CNOT1: variants seen among roughly 807,000 people sequenced by gnomAD.
CNOT1 encodes the protein CCR4-associated factor 1.
Under a neutral mutation model 273.8 loss-of-function variants are expected in CNOT1, and 15 were observed. That is an observed-to-expected ratio of 0.05 (90% CI 0.04 to 0.08). CNOT1 has a LOEUF of 0.08. CNOT1 is among the 10% of genes least tolerant of loss of function. The pLI, the probability that CNOT1 is intolerant of heterozygous loss-of-function variation, is 1.00. For synonymous variants in CNOT1, 1,022 were observed against 1,005.5 expected, an observed-to-expected ratio of 1.02 and a Z score of -0.31; for missense variants, 1,644 against 2,912.2, an observed-to-expected ratio of 0.56 and a Z score of 10.02.
At chr16:58,542,595 G>A (rs28610927) in intron 31 of CNOT1, 27 bp from the exon 32 acceptor site, 2 of 506,752 alleles carry the variant, frequency 3.9e-6, no homozygotes, top group South Asian at 3.0e-5. Flanking sequence ...GTGGGGGGGT[G>A]GGGGGAATAG....
chr16:58,528,728 A>C (rs1597399395), intron 43 of CNOT1, 80 bp from the exon 44 acceptor site: 2 of 906,726 alleles, frequency 2.2e-6, no homozygotes, highest in African/African-American at 1.7e-5. Flanking sequence ...TAAGCCCCCC[A>C]CCCCCCTCAA....
intron 46 of CNOT1, 195 bp from the exon 47 acceptor site, chr16:58,523,697 A>G: frequency 2.2e-6 from 1 of 457,536 alleles, no homozygotes; most frequent in East Asian, 3.2e-5. Flanking sequence ...TAGAAATTAG[A>G]TTTTAAAAAT....
chr16:58,568,698 GA>G (rs1021926550), intron 16 of CNOT1, among the ~76,000 whole-genome samples: 23 of 144,874 alleles, frequency 1.6e-4, no homozygotes, highest in South Asian at 2.2e-4. Flanking sequence ...AAAAAAGAGA[GA>G]AAAAAAAAAA....
At chr16:58,531,249 A>G (rs571108963) in intron 42 of CNOT1, among the ~76,000 whole-genome samples, 2 of 152,226 alleles carry the variant, frequency 1.3e-5, no homozygotes, top group African/African-American at 4.8e-5. Context: ...TTTAAGAGCT[A>G]TTTCACCTTC....
intron 16 of CNOT1, among the ~76,000 whole-genome samples, chr16:58,567,344 C>T (rs1197696082): frequency 2.0e-5 from 3 of 151,788 alleles, no homozygotes; most frequent in East Asian, 1.9e-4. Context: ...TAATGCTGGC[C>T]GGGCGTGGTG....
chr16:58,576,018 T>A (rs936873937), intron 14 of CNOT1, among the ~76,000 whole-genome samples: 3 of 152,198 alleles, frequency 2.0e-5, no homozygotes, highest in Non-Finnish European at 4.4e-5. Context: ...CTATCCTTTT[T>A]AAGAAACCTC....
Position 58,582,911 on chromosome 16 carries a change from A to AGT in CNOT1, c.934-10_934-9dup. ...GCCCGGAGCAGAAATACTCTGTAGA[A>AGT]GTAAAACTTGAATTAAACAAACCCA... On this transcript the variant is annotated splice_polypyrimidine_tract_variant and intron_variant, in intron 9 of 48. Transcript: ENST00000317147. 6.2e-7 allele frequency: 1 copy of AGT among 1,613,342 alleles called. No homozygotes were observed. Among genetic ancestry groups the AGT allele is most frequent in the Non-Finnish European group, 8.5e-7 (1 of 1,179,332 alleles).
intron 36 of CNOT1, 36 bp downstream of exon 36, chr16:58,538,736 T>TC (rs1486162636): frequency 1.9e-6 from 3 of 1,607,612 alleles, no homozygotes; most frequent in Non-Finnish European, 2.5e-6. Context: ...GCAGTCGCAG[T>TC]CCAATACTCA....
rs1210375302 is a variant in CNOT1 at position 58,549,766 on chromosome 16, G to C, written c.3475C>G (p.Pro1159Ala). ...YSNFLDTLKNPEFNKMVLNET... is the reference protein window; with the variant it reads ...YSNFLDTLKNAEFNKMVLNET... ...TTCAGAACCATCTTGTTAAATTCAG[G>C]ATTCTTCAGCGTGTCAAGGAAGTTT... The change falls in exon 25 of 49, where the codon CCT (proline) becomes GCT (alanine). Residue 1159 changes from proline to alanine, a missense_variant. Physicochemically the swap from Pro to Ala is conservative, Grantham distance 27. Coordinates refer to ENST00000317147, the MANE Select transcript of CNOT1 (RefSeq NM_016284.5). 1.2e-6 allele frequency: 2 copies of C among 1,613,358 alleles called. 1 individual carries two copies. The highest frequency in any genetic ancestry group is 1.7e-6 in the Non-Finnish European group (2 of 1,179,902).
intron 10 of CNOT1, among the ~76,000 whole-genome samples, chr16:58,582,501 CTTTA>C (rs2041691419): frequency 6.6e-6 from 1 of 152,102 alleles, no homozygotes; most frequent in African/African-American, 2.4e-5. Context: ...AGTAGAGGTA[CTTTA>C]TTTTTTATTC....
chr16:58,529,575 C>T (rs1327486421), intron 43 of CNOT1, among the ~76,000 whole-genome samples: 2 of 152,100 alleles, frequency 1.3e-5, no homozygotes, highest in Admixed American at 6.6e-5. Context: ...CAGTGGCTCA[C>T]GCCTGTAATC....
At chr16:58,538,945 G>C in intron 35 of CNOT1, 31 bp from the exon 36 acceptor site, 1 of 1,604,866 alleles carries the variant, frequency 6.2e-7, no homozygotes, top group Non-Finnish European at 8.5e-7. Context: ...TCAAAACCAT[G>C]AAAAATACAG....
Position 58,545,450 on chromosome 16 carries a change from T to C in CNOT1, c.4048A>G (p.Thr1350Ala). 1.2e-6 allele frequency: 2 copies of C among 1,614,138 alleles called. No individual in the cohort carries two copies. Among genetic ancestry groups the C allele is most frequent in the Non-Finnish European group, 1.7e-6 (2 of 1,179,958 alleles). ...CTGTACTGTGGCTGTGGTGGAACCG[T>C]GGCTGTACAAGTGGTGTTGGTAGCT... ...TPATNTTCTA[T>A]VPPQPQYSYH... The change falls in exon 30 of 49, where the codon ACG becomes GCG. Residue 1350 changes from threonine to alanine, a missense_variant. By Grantham distance (58) the Thr-to-Ala change is moderately conservative (BLOSUM62 0). This residue lies in a region of CNOT1 where 52 missense variants were observed against 50.2 expected (regional missense o/e 1.04). Coordinates refer to ENST00000317147, the MANE Select transcript of CNOT1 (RefSeq NM_016284.5).
At chr16:58,525,448 C>T (rs1421104877) in intron 45 of CNOT1, 89 bp from the exon 46 acceptor site, 1 of 1,081,938 alleles carries the variant, frequency 9.2e-7, no homozygotes, top group East Asian at 2.6e-5. Flanking sequence ...CTTACACCTT[C>T]ATGGAAAGGC....
At chr16:58,544,126 T>A (rs1347999305) in intron 30 of CNOT1, among the ~76,000 whole-genome samples, 7 of 152,232 alleles carry the variant, frequency 4.6e-5, no homozygotes, top group Admixed American at 3.9e-4. Context: ...GTCTTTTTTT[T>A]AAATCCAAGT....
At chr16:58,579,177 G>C (rs1026585310) in intron 12 of CNOT1, among the ~76,000 whole-genome samples, 5 of 152,052 alleles carry the variant, frequency 3.3e-5, no homozygotes, top group African/African-American at 1.2e-4. Context: ...GAAAACCATG[G>C]GGATAGAGAA....
At chr16:58,617,364 A>C (rs907465372) in intron 1 of CNOT1, among the ~76,000 whole-genome samples, 2 of 151,992 alleles carry the variant, frequency 1.3e-5, no homozygotes, top group Non-Finnish European at 2.9e-5. Context: ...GTCTCAAAAA[A>C]ATTTTTTTAA....
intron 46 of CNOT1, 151 bp from the exon 47 acceptor site, chr16:58,523,653 A>T: frequency 1.8e-6 from 1 of 569,700 alleles, no homozygotes; most frequent in East Asian, 2.8e-5. Context: ...AAGAGTTCTC[A>T]TTTCTGTGCG....
At position 58,547,004 on chromosome 16, in the gene CNOT1, C is replaced by G. The variant is rs1241548631; in HGVS notation, c.3750+182G>C. Among the ~76,000 whole-genome samples, 1 of 152,116 alleles carries G rather than the reference C, an allele frequency of 6.6e-6. No individual in the cohort carries two copies. The highest frequency in any genetic ancestry group is 1.5e-5 in the Non-Finnish European group (1 of 68,002). On this transcript the variant is annotated intron_variant, in intron 27 of 48. Coordinates refer to ENST00000317147, the MANE Select transcript of CNOT1 (RefSeq NM_016284.5). This position sits in a 1 kb window ranked among gnomAD's most constrained non-coding sequence, Gnocchi z 4.0. ...CAAAACAAAAAACCAAAAACCAAAG[C>G]CAACCATTATAATCTTTCTTATTTC...
Sources: allele counts gnomAD v4.1 joint callset (sites outside exome capture counted in the v4.1 genomes callset), GRCh38; gene constraint gnomAD v4.1.1; regional missense constraint gnomAD v4.1.1; non-coding constraint Gnocchi (gnomAD v3.1); transcripts MANE v1.5; gene names NCBI Gene and HGNC (gene_info 2026-07-23, HGNC 2026-07-21).